The following RALYL variants were observed in gnomAD, a reference collection of about 807,000 sequenced individuals.
The protein encoded by RALYL is RALY RNA binding protein like.
RALYL carries 29 observed loss-of-function variants against 35.1 expected under a neutral mutation model. That is an observed-to-expected ratio of 0.83 (90% CI 0.61 to 1.13). The LOEUF (loss-of-function observed/expected upper bound fraction) is 1.13, where lower values mean the gene tolerates loss of function less well. Ranked by LOEUF, RALYL falls within the 50% of genes most tolerant of loss-of-function variation. RALYL has a pLI of 0.00. For synonymous variants in RALYL, 120 were observed against 127.6 expected (o/e 0.94, Z 0.40); for missense variants, 359 against 360.4 (o/e 1.00, Z 0.03).
intron 2 of RALYL, among the ~76,000 whole-genome samples, chr8:84,765,886 T>C (rs1813823245): frequency 6.6e-6 from 1 of 152,080 alleles, no homozygotes; most frequent in African/African-American, 2.4e-5. Flanking sequence ...AACCAATTAT[T>C]TCAGAAAAAT....
At chr8:84,462,134 T>A (rs1340551797) in intron 1 of RALYL, among the ~76,000 whole-genome samples, 1 of 151,640 alleles carries the variant, frequency 6.6e-6, no homozygotes, top group African/African-American at 2.4e-5. Context: ...ATTTTTATTT[T>A]TTTTTATTTT....
chr8:84,312,511 TC>T (rs1842991750), intron 1 of RALYL, among the ~76,000 whole-genome samples: 1 of 152,288 alleles, frequency 6.6e-6, no homozygotes, highest in Middle Eastern at 3.4e-3. Context: ...GTTAGTTACT[TC>T]CTAGATACAG....
At chr8:84,314,141 A>C (rs1843318812) in intron 1 of RALYL, among the ~76,000 whole-genome samples, 1 of 152,062 alleles carries the variant, frequency 6.6e-6, no homozygotes, top group Non-Finnish European at 1.5e-5. Flanking sequence ...TAAACACTGG[A>C]CACTTATCAA....
intron 1 of RALYL, among the ~76,000 whole-genome samples, chr8:84,435,672 T>C (rs1036621956): frequency 3.3e-5 from 5 of 152,092 alleles, no homozygotes; most frequent in Non-Finnish European, 7.4e-5. Context: ...ATTTGCCTTG[T>C]TTGCCAGTAA....
intron 2 of RALYL, among the ~76,000 whole-genome samples, chr8:84,570,022 A>T (rs1290155614): frequency 1.3e-5 from 2 of 151,872 alleles, no homozygotes; most frequent in Non-Finnish European, 2.9e-5. Flanking sequence ...AAGTAATGTG[A>T]TGCCTCCATA....
intron 2 of RALYL, among the ~76,000 whole-genome samples, chr8:84,644,007 G>A (rs1232112913): frequency 3.3e-5 from 5 of 151,994 alleles, no homozygotes; most frequent in African/African-American, 1.2e-4. Flanking sequence ...TCTGTTTTAA[G>A]GCTAGCACCT....
chr8:84,853,843 TCTC>T (rs1836387734), intron 5 of RALYL, among the ~76,000 whole-genome samples: 2 of 149,880 alleles, frequency 1.3e-5, no homozygotes, highest in Admixed American at 1.3e-4. Flanking sequence ...GTTTTCTTTT[TCTC>T]TCTCTCTTTT....
At chr8:84,639,081 G>T (rs1202614942) in intron 2 of RALYL, among the ~76,000 whole-genome samples, 2 of 149,902 alleles carry the variant, frequency 1.3e-5, no homozygotes, top group African/African-American at 4.9e-5. Flanking sequence ...ATAAAGGCAT[G>T]CAAATGTGCA....
intron 1 of RALYL, among the ~76,000 whole-genome samples, chr8:84,370,765 A>C (rs1855520093): frequency 6.6e-6 from 1 of 151,998 alleles, no homozygotes; most frequent in African/African-American, 2.4e-5. Flanking sequence ...AGTTTGTAGA[A>C]GCCTGGAAAC....
At chr8:84,413,697 CAAAGT>C (rs1223983676) in intron 1 of RALYL, among the ~76,000 whole-genome samples, 1 of 151,998 alleles carries the variant, frequency 6.6e-6, no homozygotes, top group Non-Finnish European at 1.5e-5. Flanking sequence ...ATGATTCACT[CAAAGT>C]AAAGGATAAA....
intron 2 of RALYL, among the ~76,000 whole-genome samples, chr8:84,590,370 C>G (rs1403859935): frequency 6.6e-6 from 1 of 152,116 alleles, no homozygotes. Context: ...AAAGTAGAAT[C>G]AAGATTCAGA....
intron 1 of RALYL, among the ~76,000 whole-genome samples, chr8:84,423,648 T>C (rs979581186): frequency 5.3e-4 from 80 of 152,192 alleles, no homozygotes; most frequent in African/African-American, 1.7e-3. Context: ...CTAGTCTCGA[T>C]GGTCTTTACA....
chr8:84,852,917 C>T (rs923403073), intron 5 of RALYL, among the ~76,000 whole-genome samples: 1 of 152,108 alleles, frequency 6.6e-6, no homozygotes, highest in Admixed American at 6.6e-5. Context: ...ACAACAACAA[C>T]AAAAACCATG....
intron 1 of RALYL, among the ~76,000 whole-genome samples, chr8:84,508,047 A>C (rs565033934): frequency 1.3e-5 from 2 of 152,174 alleles, no homozygotes; most frequent in Non-Finnish European, 2.9e-5. Flanking sequence ...TCTTTTCACT[A>C]TCATTGTAAA....
At chr8:84,189,261 A>G (rs1422519865) in intron 1 of RALYL, among the ~76,000 whole-genome samples, 2 of 152,226 alleles carry the variant, frequency 1.3e-5, no homozygotes, top group African/African-American at 4.8e-5. Flanking sequence ...TTTTCTGTGC[A>G]TAAATATGTT....
intron 2 of RALYL, among the ~76,000 whole-genome samples, chr8:84,735,198 T>C (rs1032721937): frequency 6.6e-6 from 1 of 151,916 alleles, no homozygotes; most frequent in Non-Finnish European, 1.5e-5. Flanking sequence ...GCAGACTAGA[T>C]AATGAATTCT....
At chr8:84,192,302 G>T (rs1425019693) in intron 1 of RALYL, among the ~76,000 whole-genome samples, 1 of 152,204 alleles carries the variant, frequency 6.6e-6, no homozygotes, top group African/African-American at 2.4e-5. Flanking sequence ...ATACATACCA[G>T]CCCTGTGGCC....
At chr8:84,185,150 A>C (rs1812178602) in intron 1 of RALYL, 2 of 875,656 alleles carry the variant, frequency 2.3e-6, no homozygotes, top group Admixed American at 4.0e-5. Flanking sequence ...GGGGATGGGG[A>C]AATAGTTTCT....
At chr8:84,339,182 C>T (rs1350312726) in intron 1 of RALYL, among the ~76,000 whole-genome samples, 3 of 151,940 alleles carry the variant, frequency 2.0e-5, no homozygotes, top group African/African-American at 7.2e-5. Flanking sequence ...ATTGGAACCA[C>T]CAAGAGACTG....
Sources: allele counts gnomAD v4.1 joint callset (sites outside exome capture counted in the v4.1 genomes callset), GRCh38; gene constraint gnomAD v4.1.1; transcripts MANE v1.5; gene names NCBI Gene and HGNC (gene_info 2026-07-23, HGNC 2026-07-21).